VPS13D: variants seen among roughly 807,000 people sequenced by gnomAD.
The protein encoded by VPS13D is intermembrane lipid transfer protein VPS13D.
In VPS13D, 187 loss-of-function variants were observed where a neutral mutation model predicts 461.9. That is an observed-to-expected ratio of 0.40 (90% CI 0.36 to 0.46). The LOEUF is 0.46. Ranked by LOEUF, VPS13D falls within the 20% of genes least tolerant of loss-of-function variation. The pLI, the probability that VPS13D is intolerant of heterozygous loss-of-function variation, is 0.60. For missense variants in VPS13D, 4,711 were observed against 5,364.9 expected, an observed-to-expected ratio of 0.88 and a Z score of 3.81; for synonymous variants, 1,951 against 1,986.3, an observed-to-expected ratio of 0.98 and a Z score of 0.47.
intron 5 of VPS13D, among the ~76,000 whole-genome samples, chr1:12,248,353 T>C (rs71647035): frequency 6.6e-6 from 1 of 151,340 alleles, no homozygotes; most frequent in African/African-American, 2.4e-5. Context: ...ATTATTATTG[T>C]TATTATTAAG....
At chr1:12,346,285 A>G (rs918824693) in intron 43 of VPS13D, among the ~76,000 whole-genome samples, 1 of 152,208 alleles carries the variant, frequency 6.6e-6, no homozygotes, top group Non-Finnish European at 1.5e-5. Flanking sequence ...AAACAAAAAC[A>G]AAAACAAAAA....
chr1:12,416,967 T>C, intron 65 of VPS13D, 140 bp downstream of exon 65: 1 of 813,686 alleles, frequency 1.2e-6, no homozygotes, highest in Non-Finnish European at 1.8e-6. Context: ...TGCCTTTTCC[T>C]CACCTCCAGT....
At position 12,398,339 on chromosome 1, in the gene VPS13D, G is replaced by A. The variant is rs527897797; in HGVS notation, c.11635-1842G>A. ...TTCCACTTACAAGCTGTGCGAATGA[G>A]GGCAAGTAGTTTAACTTTTTTTTCT... On this transcript the variant is annotated intron_variant, in intron 60 of 69. Transcript: ENST00000620676. Among the ~76,000 whole-genome samples the A allele has an allele frequency of 2.8e-4, 42 of 152,238 alleles. No homozygotes were observed. The South Asian group carries it at 8.1e-3, about 29-fold the overall frequency.
At chr1:12,284,482 A>G (rs1026440149) in intron 21 of VPS13D, among the ~76,000 whole-genome samples, 1 of 152,242 alleles carries the variant, frequency 6.6e-6, no homozygotes, top group East Asian at 1.9e-4. Flanking sequence ...AAAAAACCAT[A>G]AAAAAGACAG....
chr1:12,501,677 C>T (rs1646037421), intron 68 of VPS13D, among the ~76,000 whole-genome samples: 1 of 152,200 alleles, frequency 6.6e-6, no homozygotes, highest in African/African-American at 2.4e-5. Context: ...TAAGAAATTT[C>T]CTCTGTCCTC....
chr1:12,307,148 T>C (rs1367426825), intron 26 of VPS13D, among the ~76,000 whole-genome samples: 1 of 152,254 alleles, frequency 6.6e-6, no homozygotes, highest in Non-Finnish European at 1.5e-5. Flanking sequence ...TGTTATGATA[T>C]TTTATTCCCT....
At chr1:12,490,513 C>A (rs1022324645) in intron 67 of VPS13D, among the ~76,000 whole-genome samples, 4 of 152,258 alleles carry the variant, frequency 2.6e-5, no homozygotes, top group Non-Finnish European at 5.9e-5. Context: ...AAATGCTTTT[C>A]CACTTCGTCT....
chr1:12,341,948 C>A, intron 41 of VPS13D, 63 bp downstream of exon 41: 1 of 1,525,336 alleles, frequency 6.6e-7, no homozygotes, highest in Non-Finnish European at 9.1e-7. Context: ...TGTGCCAGCC[C>A]AGTAGAGCAA....
intron 1 of VPS13D, 124 bp from the exon 2 acceptor site, chr1:12,234,063 CACAA>C (rs1436107436): frequency 1.1e-4 from 50 of 444,984 alleles, no homozygotes; most frequent in South Asian, 4.7e-4. Context: ...AAAACAAAAA[CACAA>C]ACAAACAAAA....
intron 30 of VPS13D, among the ~76,000 whole-genome samples, chr1:12,315,902 C>T (rs151293147): frequency 0.14 from 21,484 of 151,952 alleles, 3,123 homozygotes; most frequent in African/African-American, 0.37. Context: ...CTGCAACCTC[C>T]GCCTCCCGGG....
intron 67 of VPS13D, among the ~76,000 whole-genome samples, chr1:12,490,830 A>G (rs563337179): frequency 6.6e-6 from 1 of 152,094 alleles, no homozygotes; most frequent in African/African-American, 2.4e-5. Context: ...GATGCAGCCC[A>G]TGGCATGGTG....
chr1:12,432,394 C>CA (rs565314145), intron 65 of VPS13D, among the ~76,000 whole-genome samples: 4,048 of 91,550 alleles, frequency 0.044, 144 homozygotes, highest in African/African-American at 0.13. Context: ...AACTCCGTCT[C>CA]AAAAAAAAAA....
intron 1 of VPS13D, among the ~76,000 whole-genome samples, chr1:12,233,685 T>C (rs1392777663): frequency 6.6e-6 from 1 of 152,218 alleles, no homozygotes; most frequent in Non-Finnish European, 1.5e-5. Context: ...AGCATCAGAA[T>C]GTAGGTGTTT....
intron 18 of VPS13D, among the ~76,000 whole-genome samples, chr1:12,275,497 A>G (rs1362308368): frequency 6.6e-6 from 1 of 152,170 alleles, no homozygotes; most frequent in Non-Finnish European, 1.5e-5. Flanking sequence ...GAGGGACGTA[A>G]GAAAGGGTTG....
chr1:12,345,505 C>T lies in VPS13D; in HGVS notation c.9017C>T (p.Ser3006Phe). Residue 3006 changes from serine (S) to phenylalanine (F), a missense_variant, in exon 43 of 70, where the codon TCT (serine) becomes TTT (phenylalanine). Ser to Phe is a radical substitution (Grantham distance 155, BLOSUM62 -2). This residue lies in a region of VPS13D where 4,411 missense variants were observed against 4,937.8 expected (regional missense o/e 0.89). Coordinates refer to ENST00000620676, the MANE Select transcript of VPS13D (RefSeq NM_015378.4). ...YAAPDKNSSS[S>F]TIGSPSSRTN... ...GCACCAGATAAAAATTCATCTTCCT[C>T]TACGGTGTGTGACATTCAGGAAGTC... is the stretch of plus-strand genomic sequence containing the variant. The T allele has an allele frequency of 1.2e-6, 2 of 1,611,718 alleles. No homozygotes were observed. Among genetic ancestry groups the T allele is most frequent in the Non-Finnish European group, 1.7e-6 (2 of 1,177,950 alleles).
chr1:12,482,775 G>GTATACATAGTATACATATATA (rs1182406981), intron 67 of VPS13D, among the ~76,000 whole-genome samples: 3 of 145,068 alleles, frequency 2.1e-5, no homozygotes, highest in African/African-American at 8.0e-5. Context: ...ATACATATAT[G>GTATACATAGTATACATATATA]TATACATAGT....
chr1:12,290,565 A>G (rs1208653585), intron 22 of VPS13D, among the ~76,000 whole-genome samples: 1 of 152,188 alleles, frequency 6.6e-6, no homozygotes, highest in African/African-American at 2.4e-5. Context: ...TACTAAAAAT[A>G]CAGAAAATTA....
At chr1:12,234,599 C>G (rs747387004) in intron 2 of VPS13D, among the ~76,000 whole-genome samples, 18 of 152,192 alleles carry the variant, frequency 1.2e-4, no homozygotes, top group Admixed American at 1.2e-3. Context: ...ATAAGCTACA[C>G]TACTGGTGAC....
intron 5 of VPS13D, among the ~76,000 whole-genome samples, chr1:12,246,463 C>T (rs12562482): frequency 0.031 from 4,679 of 152,192 alleles, 185 homozygotes; most frequent in Admixed American, 0.12. Context: ...TTGGGATACT[C>T]AGCCAGTTAA....
Sources: gnomAD v4.1 joint callset for allele counts (sites outside exome capture counted in the v4.1 genomes callset) on GRCh38, gnomAD v4.1.1 for gene constraint, gnomAD v4.1.1 regional missense constraint, MANE v1.5 for transcripts, NCBI Gene and HGNC (gene_info 2026-07-23, HGNC 2026-07-21) for gene names.